CTNNA2: variants seen among roughly 807,000 people sequenced by gnomAD.
CTNNA2 encodes catenin alpha 2, also known as catenin alpha-2.
A neutral mutation model predicts 101.0 loss-of-function variants in CTNNA2; 42 were observed. The observed-to-expected ratio is 0.42, with a 90% CI of 0.32 to 0.54. The LOEUF is 0.54. Ranked by LOEUF, CTNNA2 falls within the 20% of genes least tolerant of loss-of-function variation. The pLI, the probability that CTNNA2 is intolerant of heterozygous loss-of-function variation, is 0.14. For missense variants in CTNNA2, 871 were observed against 1,223.1 expected, an observed-to-expected ratio of 0.71 and a Z score of 4.29; for synonymous variants, 450 against 456.4, an observed-to-expected ratio of 0.99 and a Z score of 0.18.
chr2:80,229,808 G>T (rs1709091009), intron 7 of CTNNA2, among the ~76,000 whole-genome samples: 1 of 152,100 alleles, frequency 6.6e-6, no homozygotes, highest in African/African-American at 2.4e-5. Context: ...AGGTAAGGAT[G>T]AAAGGGACTT....
chr2:80,516,979 C>T (rs1232892815), intron 9 of CTNNA2, among the ~76,000 whole-genome samples: 2 of 152,162 alleles, frequency 1.3e-5, no homozygotes, highest in African/African-American at 4.8e-5. Context: ...GTAGAAACTT[C>T]TAAGTTCCAA....
intron 6 of CTNNA2, among the ~76,000 whole-genome samples, chr2:79,907,394 G>T (rs937010507): frequency 6.6e-6 from 1 of 151,748 alleles, no homozygotes; most frequent in Non-Finnish European, 1.5e-5. Context: ...CAACAGAAAG[G>T]CAGTAGAAAG....
chr2:79,193,893 T>C (rs1673923861), intron 1 of CTNNA2, among the ~76,000 whole-genome samples: 1 of 152,208 alleles, frequency 6.6e-6, no homozygotes, highest in Non-Finnish European at 1.5e-5. Flanking sequence ...TTTTGAGGAT[T>C]AAGTGGGTTA....
intron 7 of CTNNA2, among the ~76,000 whole-genome samples, chr2:80,289,350 C>T (rs1421138726): frequency 6.6e-6 from 1 of 152,192 alleles, no homozygotes; most frequent in East Asian, 1.9e-4. Flanking sequence ...ATTCTTCATC[C>T]TGTTTACTAA....
intron 4 of CTNNA2, among the ~76,000 whole-genome samples, chr2:79,864,149 A>G (rs764414686): frequency 5.9e-5 from 9 of 152,188 alleles, no homozygotes; most frequent in Non-Finnish European, 1.2e-4. Context: ...AGAAAAGGTG[A>G]ATTTGGATTT....
At chr2:80,296,630 T>C (rs746980329) in intron 7 of CTNNA2, among the ~76,000 whole-genome samples, 5 of 152,204 alleles carry the variant, frequency 3.3e-5, no homozygotes, top group Non-Finnish European at 7.3e-5. Flanking sequence ...AGTAAGACCA[T>C]TCCTTGTAAA....
At chr2:80,329,165 C>G (rs1169830601) in intron 7 of CTNNA2, among the ~76,000 whole-genome samples, 3 of 152,180 alleles carry the variant, frequency 2.0e-5, no homozygotes, top group Non-Finnish European at 4.4e-5. Context: ...TGATGTGAAG[C>G]AGGTATCAGC....
intron 6 of CTNNA2, among the ~76,000 whole-genome samples, chr2:79,903,922 G>A (rs1685239891): frequency 6.6e-6 from 1 of 152,176 alleles, no homozygotes. Context: ...GATGGAGATG[G>A]TCAGTTAACT....
intron 4 of CTNNA2, among the ~76,000 whole-genome samples, chr2:79,467,058 T>C (rs955109173): frequency 4.6e-5 from 7 of 152,198 alleles, no homozygotes; most frequent in South Asian, 2.1e-4. Flanking sequence ...AGAAGAAGGC[T>C]TCAGATGATC....
intron 1 of CTNNA2, among the ~76,000 whole-genome samples, chr2:79,595,572 T>G (rs963547437): frequency 2.0e-5 from 3 of 152,188 alleles, no homozygotes; most frequent in African/African-American, 7.2e-5. Context: ...GGTAGTTATC[T>G]TAGAGTTCTT....
At position 80,602,828 on chromosome 2, in the gene CTNNA2, T is replaced by C. The variant is rs201494445; in HGVS notation, c.2190-1246T>C. On this transcript the variant is annotated intron_variant, in intron 15 of 18. Transcript: ENST00000402739. Reference sequence around the variant, plus strand: ...CTACAACAAAATGAAATACCTTAAGTTGTGTGTCTGTCTTTGTATTTAAAC... The same window carrying C: ...CTACAACAAAATGAAATACCTTAAGCTGTGTGTCTGTCTTTGTATTTAAAC... Among the ~76,000 whole-genome samples the C allele has an allele frequency of 2.6e-5, 4 of 152,126 alleles. No homozygotes were observed. In the East Asian group the frequency reaches 7.7e-4, roughly 29 times the overall value.
chr2:79,518,303 C>T (rs574899482), intron 1 of CTNNA2, among the ~76,000 whole-genome samples: 2 of 152,050 alleles, frequency 1.3e-5, no homozygotes, highest in Non-Finnish European at 2.9e-5. Context: ...TAAATAAGAT[C>T]CTAACTTGCT....
At chr2:80,414,045 GATGGCATTGGGTTGCTCAGACAC>G (rs1679823866) in intron 8 of CTNNA2, among the ~76,000 whole-genome samples, 1 of 152,196 alleles carries the variant, frequency 6.6e-6, no homozygotes, top group African/African-American at 2.4e-5. Flanking sequence ...TGAAAGTCAA[GATGGCATTGGGTTGCTCAGACAC>G]ATAGCCAATT....
At chr2:79,648,646 A>G (rs555512869) in intron 1 of CTNNA2, among the ~76,000 whole-genome samples, 2 of 152,278 alleles carry the variant, frequency 1.3e-5, no homozygotes, top group African/African-American at 2.4e-5. Flanking sequence ...AATGGCTGAT[A>G]TGAAGCTAAA....
At position 79,761,838 on chromosome 2, in the gene CTNNA2, A is replaced by G. The variant is rs565527630; in HGVS notation, c.298+17256A>G. Among the ~76,000 whole-genome samples, 5 of 152,330 alleles carry G rather than the reference A, an allele frequency of 3.3e-5. No individual in the cohort carries two copies. In the East Asian group the frequency reaches 7.7e-4, roughly 24 times the overall value. On this transcript the variant is annotated intron_variant, in intron 3 of 18. Coordinates refer to ENST00000402739, the MANE Select transcript of CTNNA2 (RefSeq NM_001282597.3). ...ATTAAAAATATTGATCTGTTTCTCT[A>G]TGGGCTTCCACTGAAATGGTAGCAG...
chr2:79,818,848 T>TATATATATATATATATATAA (rs70940046), intron 3 of CTNNA2, among the ~76,000 whole-genome samples: 1 of 135,402 alleles, frequency 7.4e-6, no homozygotes, highest in South Asian at 2.3e-4. Context: ...TATATATATA[T>TATATATATATATATATATAA]GGATGTATGT....
intron 7 of CTNNA2, among the ~76,000 whole-genome samples, chr2:80,030,152 T>G (rs1695194278): frequency 6.6e-6 from 1 of 152,036 alleles, no homozygotes; most frequent in South Asian, 2.1e-4. Context: ...AAATGTAATT[T>G]GTTTAAGATC....
chr2:79,551,030 C>T (rs1170986804), intron 1 of CTNNA2, among the ~76,000 whole-genome samples: 1 of 152,156 alleles, frequency 6.6e-6, no homozygotes, highest in Non-Finnish European at 1.5e-5. Flanking sequence ...AAAATTATTA[C>T]TGTAGGAAGT....
At chr2:79,940,256 C>T (rs966841860) in intron 7 of CTNNA2, among the ~76,000 whole-genome samples, 2 of 151,666 alleles carry the variant, frequency 1.3e-5, no homozygotes, top group African/African-American at 2.4e-5. Flanking sequence ...AATTTATTTA[C>T]CAAGAAAATA....
Sources: gnomAD v4.1 joint callset for allele counts (sites outside exome capture counted in the v4.1 genomes callset) on GRCh38, gnomAD v4.1.1 for gene constraint, MANE v1.5 for transcripts, NCBI Gene and HGNC (gene_info 2026-07-23, HGNC 2026-07-21) for gene names.